The following EPHA5 variants were observed in gnomAD, a reference collection of about 807,000 sequenced individuals.
EPHA5 encodes the protein EPH receptor A5, also known as ephrin type-A receptor 5.
In EPHA5, 60 loss-of-function variants were observed where a neutral mutation model predicts 105.0. The observed-to-expected ratio is 0.57, with a 90% CI of 0.46 to 0.71. The LOEUF is 0.71. Among genes scored for constraint, EPHA5 ranks in the 30% least tolerant of loss-of-function variants. The pLI is 0.00. For synonymous variants in EPHA5, 513 were observed against 449.1 expected (o/e 1.14, Z -1.80); for missense variants, 1,218 against 1,274.7 (o/e 0.96, Z 0.68).
rs753863635 is a variant in EPHA5 at position 65,331,932 on chromosome 4, G to A, written c.2945+41C>T. On this transcript the variant is annotated intron_variant, in intron 16 of 16. Coordinates refer to ENST00000613740, the MANE Select transcript of EPHA5 (RefSeq NM_001281766.3). ...GATTGGTTTTTGAACAATTTTTCTTGCCCCAGCAATTATGTAAAAATTATC... is the reference window on the plus strand; with the variant it reads ...GATTGGTTTTTGAACAATTTTTCTTACCCCAGCAATTATGTAAAAATTATC... The A allele has an allele frequency of 9.6e-6, 15 of 1,560,644 alleles. No individual in the cohort carries two copies. The African/African-American group carries it at 1.8e-4, about 19-fold the overall frequency.
chr4:65,643,338 T>G (rs781245790), intron 2 of EPHA5, 25 bp downstream of exon 2: 1 of 1,588,818 alleles, frequency 6.3e-7, no homozygotes, highest in Admixed American at 1.7e-5. Context: ...AGCTTAAGTT[T>G]TAGAAAAACT....
chr4:65,461,273 A>G (rs1297666007), intron 5 of EPHA5, among the ~76,000 whole-genome samples: 1 of 151,896 alleles, frequency 6.6e-6, no homozygotes, highest in Non-Finnish European at 1.5e-5. Context: ...CTGTGATTTA[A>G]TATTATGTTT....
At chr4:65,603,069 A>G (rs1743895797) in intron 2 of EPHA5, among the ~76,000 whole-genome samples, 1 of 152,004 alleles carries the variant, frequency 6.6e-6, no homozygotes, top group African/African-American at 2.4e-5. Context: ...ATATGTTGGG[A>G]CCCCATTAAT....
At chr4:65,462,942 A>G (rs192294594) in intron 5 of EPHA5, among the ~76,000 whole-genome samples, 3 of 152,316 alleles carry the variant, frequency 2.0e-5, no homozygotes, top group Non-Finnish European at 2.9e-5. Flanking sequence ...AAGCAGAATG[A>G]CATAAACTCT....
At chr4:65,428,139 G>T (rs952511859) in intron 5 of EPHA5, among the ~76,000 whole-genome samples, 1 of 151,878 alleles carries the variant, frequency 6.6e-6, no homozygotes, top group African/African-American at 2.4e-5. Flanking sequence ...GTACATATTA[G>T]CATTTGAATG....
intron 7 of EPHA5, among the ~76,000 whole-genome samples, chr4:65,406,863 C>T (rs928861664): frequency 2.0e-5 from 3 of 151,914 alleles, no homozygotes; most frequent in Admixed American, 6.6e-5. Flanking sequence ...TATCATTAAT[C>T]AAACAAAAAA....
At chr4:65,508,975 T>C (rs1436806470) in intron 3 of EPHA5, among the ~76,000 whole-genome samples, 1 of 152,146 alleles carries the variant, frequency 6.6e-6, no homozygotes, top group Non-Finnish European at 1.5e-5. Flanking sequence ...AGAATTAAAA[T>C]GAATCAAGCC....
Position 65,521,488 on chromosome 4 carries a change from C to T in EPHA5, c.911-25945G>A, listed in dbSNP as rs142557856. Among the ~76,000 whole-genome samples the T allele has an allele frequency of 1.4e-3, 211 of 152,176 alleles. 1 individual carries two copies. The highest frequency in any genetic ancestry group is 4.9e-3 in the African/African-American group (203 of 41,522). ...TGTATACATATGTAACAAACCCTCACATTGTCCACATGTACCCTAGAACTT... is the reference window on the plus strand; with the variant it reads ...TGTATACATATGTAACAAACCCTCATATTGTCCACATGTACCCTAGAACTT... On this transcript the variant is annotated intron_variant, in intron 3 of 16. Transcript: ENST00000613740.
intron 2 of EPHA5, among the ~76,000 whole-genome samples, chr4:65,616,833 C>G (rs1560778240): frequency 2.0e-5 from 3 of 152,006 alleles, no homozygotes; most frequent in African/African-American, 7.2e-5. Flanking sequence ...CAACTATAAT[C>G]TCACTAAATA....
At chr4:65,524,767 T>G (rs1480851338) in intron 3 of EPHA5, among the ~76,000 whole-genome samples, 2 of 151,732 alleles carry the variant, frequency 1.3e-5, no homozygotes, top group Non-Finnish European at 3.0e-5. Context: ...ATGAAGAAGT[T>G]TTTAGAGTAC....
intron 2 of EPHA5, among the ~76,000 whole-genome samples, chr4:65,621,357 T>C: frequency 6.6e-6 from 1 of 152,168 alleles, no homozygotes; most frequent in Non-Finnish European, 1.5e-5. Context: ...GCAAAGTGAC[T>C]TTCACTAGAC....
At chr4:65,483,539 G>A (rs983064972) in intron 5 of EPHA5, among the ~76,000 whole-genome samples, 4 of 152,044 alleles carry the variant, frequency 2.6e-5, no homozygotes, top group African/African-American at 2.4e-5. Flanking sequence ...AATACGTTAG[G>A]GAGGGAAGGA....
intron 14 of EPHA5, among the ~76,000 whole-genome samples, chr4:65,338,637 A>G (rs1200759591): frequency 1.3e-5 from 2 of 152,102 alleles, no homozygotes; most frequent in Non-Finnish European, 2.9e-5. Context: ...CTGTCTCTAT[A>G]TCAACTTAGA....
chr4:65,459,540 T>A lies in EPHA5; in HGVS notation c.1402+30837A>T, dbSNP rs1560559932. ...GCTATCCCTTTTACTGTGTCAGTGG[T>A]CTGAACTGTAACTTGACATACACAG... On this transcript the variant is annotated intron_variant, in intron 5 of 16. Coordinates refer to ENST00000613740, the MANE Select transcript of EPHA5 (RefSeq NM_001281766.3). Among the ~76,000 whole-genome samples, 3 of 151,850 alleles carry A rather than the reference T, an allele frequency of 2.0e-5. No individual in the cohort carries two copies. The South Asian group carries it at 6.2e-4, about 31-fold the overall frequency.
At chr4:65,633,263 G>A (rs1746813192) in intron 2 of EPHA5, among the ~76,000 whole-genome samples, 1 of 151,892 alleles carries the variant, frequency 6.6e-6, no homozygotes, top group Admixed American at 6.6e-5. Context: ...GTGGGAGAGG[G>A]AGATTATGTA....
At chr4:65,407,050 G>A (rs991228717) in intron 7 of EPHA5, among the ~76,000 whole-genome samples, 1 of 151,908 alleles carries the variant, frequency 6.6e-6, no homozygotes, top group Non-Finnish European at 1.5e-5. Context: ...TGAAAATGGT[G>A]GAATATGGTT....
At chr4:65,576,135 G>GAA (rs199789696) in intron 3 of EPHA5, among the ~76,000 whole-genome samples, 3 of 128,624 alleles carry the variant, frequency 2.3e-5, no homozygotes, top group African/African-American at 5.6e-5. Flanking sequence ...GAAAAGAAAA[G>GAA]AAAGAAAGAA....
intron 5 of EPHA5, among the ~76,000 whole-genome samples, chr4:65,427,226 C>T (rs1388836970): frequency 6.1e-5 from 9 of 147,736 alleles, no homozygotes; most frequent in African/African-American, 1.5e-4. Context: ...GCTCTGTCAC[C>T]GAGGCTAGAG....
chr4:65,497,797 A>G (rs1245800610), intron 3 of EPHA5, among the ~76,000 whole-genome samples: 4 of 152,064 alleles, frequency 2.6e-5, no homozygotes, highest in Non-Finnish European at 4.4e-5. Context: ...AATAATATAA[A>G]TCGAAGTAAA....
Sources: allele counts gnomAD v4.1 joint callset (sites outside exome capture counted in the v4.1 genomes callset), GRCh38; gene constraint gnomAD v4.1.1; transcripts MANE v1.5; gene names NCBI Gene and HGNC (gene_info 2026-07-23, HGNC 2026-07-21).